Variants in CCDC192 observed in about 807,000 individuals in gnomAD.
The protein encoded by CCDC192 is coiled-coil domain containing 192, also known as coiled-coil domain-containing protein 192.
intron 4 of CCDC192, among the ~76,000 whole-genome samples, chr5:127,797,498 A>C (rs1757222982): frequency 1.3e-5 from 2 of 151,838 alleles, no homozygotes; most frequent in African/African-American, 4.8e-5. Context: ...TTATTTTATA[A>C]ATGGTATTGA....
At chr5:127,846,627 G>A (rs552648885) in intron 5 of CCDC192, among the ~76,000 whole-genome samples, 3 of 151,542 alleles carry the variant, frequency 2.0e-5, no homozygotes, top group Non-Finnish European at 2.9e-5. Context: ...TCACCACCAC[G>A]CCCGGTTAAT....
intron 3 of CCDC192, among the ~76,000 whole-genome samples, chr5:127,769,451 G>A (rs1490220567): frequency 6.6e-6 from 1 of 151,946 alleles, no homozygotes; most frequent in African/African-American, 2.4e-5. Flanking sequence ...CTGAAGCTGA[G>A]TGGTTGTACA....
At chr5:127,903,352 C>T (rs1753102818) in intron 6 of CCDC192, among the ~76,000 whole-genome samples, 1 of 152,014 alleles carries the variant, frequency 6.6e-6, no homozygotes, top group African/African-American at 2.4e-5. Context: ...ACGTGATTCT[C>T]CTGCCTCAGC....
intron 6 of CCDC192, among the ~76,000 whole-genome samples, chr5:127,922,519 G>A (rs1173736629): frequency 6.6e-6 from 1 of 152,184 alleles, no homozygotes; most frequent in Non-Finnish European, 1.5e-5. Flanking sequence ...CAGGCAGATC[G>A]CTTGAGCACA....
intron 5 of CCDC192, among the ~76,000 whole-genome samples, chr5:127,857,043 T>A (rs245188): frequency 6.6e-6 from 1 of 152,186 alleles, no homozygotes; most frequent in Non-Finnish European, 1.5e-5. Flanking sequence ...GAAAAATGTG[T>A]TGTCTGAGAA....
intron 5 of CCDC192, among the ~76,000 whole-genome samples, chr5:127,866,257 A>G (rs547286244): frequency 6.6e-6 from 1 of 152,118 alleles, no homozygotes; most frequent in South Asian, 2.1e-4. Context: ...CTTTCAAGTA[A>G]AAGAGTCAAA....
chr5:127,744,291 A>G (rs1398600781), intron 2 of CCDC192, among the ~76,000 whole-genome samples: 3 of 151,746 alleles, frequency 2.0e-5, no homozygotes, highest in African/African-American at 7.3e-5. Context: ...AGCTGGGGAA[A>G]GACTTGAATC....
chr5:127,792,277 G>T (rs1302697593), intron 3 of CCDC192, among the ~76,000 whole-genome samples: 1 of 152,216 alleles, frequency 6.6e-6, no homozygotes, highest in South Asian at 2.1e-4. Context: ...TTGTGGAAGG[G>T]GAAGCAAACA....
At chr5:127,855,401 T>C (rs1015217173) in intron 5 of CCDC192, among the ~76,000 whole-genome samples, 24 of 152,246 alleles carry the variant, frequency 1.6e-4, no homozygotes, top group African/African-American at 5.5e-4. Context: ...CCATTTCTAA[T>C]TCTACTTATC....
Position 127,941,489 on chromosome 5 carries a change from A to G in CCDC192, c.*21A>G. ...TGTAGATTCCCAATAAGAAAACAAT[A>G]AAAGTTTATTAAGTGTCATCCAGGT... On this transcript the variant is annotated 3_prime_UTR_variant, in exon 7 of 7. Coordinates refer to ENST00000514853, the MANE Select transcript of CCDC192 (RefSeq NM_001317938.2). The G allele has an allele frequency of 2.5e-6, 1 of 399,068 alleles. No individual in the cohort carries two copies. The highest frequency in any genetic ancestry group is 4.4e-6 in the Non-Finnish European group (1 of 226,072). 24.7% of individuals were successfully genotyped at this position (399,068 alleles called of 1,614,324 possible).
intron 5 of CCDC192, among the ~76,000 whole-genome samples, chr5:127,858,793 G>C (rs905256550): frequency 6.6e-6 from 1 of 152,120 alleles, no homozygotes. Flanking sequence ...ATGGAAGAAA[G>C]GGACAAAATC....
Position 127,770,152 on chromosome 5 carries a change from A to G in CCDC192, c.222+15777A>G, listed in dbSNP as rs535436889. On this transcript the variant is annotated intron_variant, in intron 3 of 6. Transcript: ENST00000514853. ...CAGGCTAGAGTGCAGTGGCATGATC[A>G]TAGCTCAGTGTAGCCTTGAATGCCT... 2.0e-5 allele frequency among the ~76,000 whole-genome samples: 3 copies of G among 152,282 alleles called. No individual in the cohort carries two copies. The East Asian group carries it at 5.8e-4, about 29-fold the overall frequency.
intron 6 of CCDC192, among the ~76,000 whole-genome samples, chr5:127,905,798 A>C (rs1391787982): frequency 6.6e-6 from 1 of 151,940 alleles, no homozygotes; most frequent in Non-Finnish European, 1.5e-5. Flanking sequence ...ATCATAGCTC[A>C]AAAAAAAGCA....
At chr5:127,708,704 G>T (rs1751109920) in intron 2 of CCDC192, among the ~76,000 whole-genome samples, 1 of 152,110 alleles carries the variant, frequency 6.6e-6, no homozygotes. Context: ...GACTTAACTA[G>T]TGCACTTCAA....
At chr5:127,765,419 G>T in intron 3 of CCDC192, among the ~76,000 whole-genome samples, 1 of 152,160 alleles carries the variant, frequency 6.6e-6, no homozygotes, top group Admixed American at 6.5e-5. Context: ...GATATACTGA[G>T]TTTATTTTTA....
At chr5:127,746,088 C>T (rs2126851512) in intron 2 of CCDC192, among the ~76,000 whole-genome samples, 1 of 152,328 alleles carries the variant, frequency 6.6e-6, no homozygotes, top group South Asian at 2.1e-4. Flanking sequence ...TAAGCTCTTT[C>T]CCGTAAGGGA....
chr5:127,755,726 G>A, intron 3 of CCDC192, among the ~76,000 whole-genome samples: 1 of 148,346 alleles, frequency 6.7e-6, no homozygotes. Flanking sequence ...AATTGGGAAA[G>A]ATTTTTCAAT....
intron 2 of CCDC192, among the ~76,000 whole-genome samples, chr5:127,738,408 C>G (rs1479972994): frequency 7.2e-6 from 1 of 139,264 alleles, no homozygotes; most frequent in Admixed American, 7.4e-5. Context: ...AATTATGTGT[C>G]TTGGAGTTGC....
At chr5:127,935,162 C>T (rs1365588118) in intron 6 of CCDC192, 2 of 152,228 alleles carry the variant, frequency 1.3e-5, no homozygotes, top group Non-Finnish European at 2.9e-5. Flanking sequence ...TAGGGCCTAA[C>T]TCAGTGCTGC....
Sources: gnomAD v4.1 joint callset for allele counts (sites outside exome capture counted in the v4.1 genomes callset) on GRCh38, gnomAD v4.1.1 for gene constraint, MANE v1.5 for transcripts, NCBI Gene and HGNC (gene_info 2026-07-23, HGNC 2026-07-21) for gene names.